The following RAPGEF1 variants were observed in gnomAD, a reference collection of about 807,000 sequenced individuals.
RAPGEF1 encodes Rap guanine nucleotide exchange factor 1.
In RAPGEF1, 33 loss-of-function variants were observed where a neutral mutation model predicts 143.3. The ratio of observed to expected loss-of-function variants is 0.23; its 90% confidence interval spans 0.17 to 0.31. RAPGEF1 has a LOEUF of 0.31. RAPGEF1 is among the 10% of genes least tolerant of loss of function. The probability of loss-of-function intolerance (pLI) is 1.00; values close to 1 mark genes in which losing one functional copy is unlikely to be tolerated. For synonymous variants in RAPGEF1, 629 were observed against 676.5 expected (o/e 0.93, Z 1.09); for missense variants, 1,199 against 1,645.4 (o/e 0.73, Z 4.69).
rs1335215493 is a variant in RAPGEF1, at chr9:131,578,852, G to A, written c.*645C>T. The stretch of plus-strand genomic sequence containing the variant: ...GGCGGGCAAGGGAGGCCCTGATGGC[G>A]CCAGTACCGCGGGGCAGAGCACCAG... On this transcript the variant is annotated 3_prime_UTR_variant, in exon 27 of 27. Transcript: ENST00000683357. 5 of 152,698 alleles carry A rather than the reference G, an allele frequency of 3.3e-5. No individual in the cohort carries two copies. The highest frequency in any genetic ancestry group is 9.6e-5 in the African/African-American group (4 of 41,460). The allele number at this position is 152,698 out of a possible 1,614,324, so 9.5% of individuals were successfully genotyped here.
chr9:131,588,130 C>G, intron 20 of RAPGEF1, 104 bp from the exon 21 acceptor site: 1 of 999,312 alleles, frequency 1.0e-6, no homozygotes, highest in Non-Finnish European at 1.5e-6. Context: ...GCCTCTCTGC[C>G]CAGCAGGAGC....
chr9:131,581,787 C>T (rs1588146820), intron 25 of RAPGEF1, among the ~76,000 whole-genome samples: 1 of 152,182 alleles, frequency 6.6e-6, no homozygotes, highest in Admixed American at 6.5e-5. Context: ...ATGAGAAAGA[C>T]AGGGGCAGTT....
chr9:131,580,174 C>G (rs1215966823), intron 26 of RAPGEF1, 89 bp downstream of exon 26: 1 of 1,526,934 alleles, frequency 6.5e-7, no homozygotes, highest in African/African-American at 1.4e-5. Context: ...CTCTGTGGCT[C>G]CCCCTCCCCT....
intron 22 of RAPGEF1, among the ~76,000 whole-genome samples, chr9:131,586,569 A>C (rs868451167): frequency 9.6e-4 from 25 of 26,152 alleles, no homozygotes; most frequent in East Asian, 2.2e-3. Flanking sequence ...CTCCGTCTCA[A>C]ACACACACAC....
intron 1 of RAPGEF1, among the ~76,000 whole-genome samples, chr9:131,728,955 T>A (rs960801758): frequency 2.0e-5 from 3 of 152,044 alleles, no homozygotes; most frequent in African/African-American, 7.3e-5. Context: ...AAACTGAGAG[T>A]TAGACAAGAC....
At chr9:131,624,851 G>A (rs1962456038) in intron 10 of RAPGEF1, among the ~76,000 whole-genome samples, 1 of 152,222 alleles carries the variant, frequency 6.6e-6, no homozygotes, top group Non-Finnish European at 1.5e-5. Flanking sequence ...CTCTAGCTGG[G>A]GGACCACACT....
chr9:131,591,449 G>A (rs1420055129), intron 18 of RAPGEF1, among the ~76,000 whole-genome samples: 2 of 152,190 alleles, frequency 1.3e-5, no homozygotes, highest in Non-Finnish European at 2.9e-5. Flanking sequence ...CTTAGGATGG[G>A]CAGGTTTGGA....
rs1970681322 is a variant in RAPGEF1, at chr9:131,650,007, C to G, written c.315+122G>C. On this transcript the variant is annotated intron_variant, in intron 3 of 26. Coordinates refer to ENST00000683357, the MANE Select transcript of RAPGEF1 (RefSeq NM_001377935.1). The surrounding 1 kb of genome is among the most constrained non-coding windows in gnomAD (Gnocchi z 4.7). ...ACTCTTTCCTGAACAATTCAGCCCA[C>G]GGTCACCACCCAGTTGAACATAATA... 2 of 747,946 alleles carry G rather than the reference C, an allele frequency of 2.7e-6. No individual in the cohort carries two copies. The highest frequency in any genetic ancestry group is 1.8e-5 in the African/African-American group (1 of 56,068). The allele number at this position is 747,946 out of a possible 1,614,324, so 46.3% of individuals were successfully genotyped here.
intron 13 of RAPGEF1, among the ~76,000 whole-genome samples, 178 bp from the exon 14 acceptor site, chr9:131,604,231 T>C (rs1463367403): frequency 6.6e-6 from 1 of 152,126 alleles, no homozygotes; most frequent in African/African-American, 2.4e-5. Context: ...CTGCTGCCCC[T>C]CCAATGGTGT....
chr9:131,628,136 A>G lies in RAPGEF1; in HGVS notation c.1018-40T>C. ...GAAAAACAAAGCCAAATCACTTCTG[A>G]GAAACGGTGGCACAGACCAGGGGTG... On this transcript the variant is annotated intron_variant, in intron 8 of 26. Coordinates refer to ENST00000683357, the MANE Select transcript of RAPGEF1 (RefSeq NM_001377935.1). This position sits in a 1 kb window ranked among gnomAD's most constrained non-coding sequence, Gnocchi z 5.7. 1.4e-6 allele frequency: 2 copies of G among 1,479,944 alleles called. 1 individual carries two copies. The highest frequency in any genetic ancestry group is 1.8e-6 in the Non-Finnish European group (2 of 1,110,816). 91.7% of individuals were successfully genotyped at this position (1,479,944 alleles called of 1,614,324 possible).
In RAPGEF1 at chr9:131,641,499, C is replaced by T. The variant is rs940364072; in HGVS notation, c.494+1740G>A. On this transcript the variant is annotated intron_variant, in intron 4 of 26. Transcript: ENST00000683357. The surrounding 1 kb of genome is among the most constrained non-coding windows in gnomAD (Gnocchi z 4.6). ...CAGATCAACTCCAACACCCCTGTAACTCTCCCTTCTTCAAACTCCAACACA... is the reference window on the plus strand; with the variant it reads ...CAGATCAACTCCAACACCCCTGTAATTCTCCCTTCTTCAAACTCCAACACA... Among the ~76,000 whole-genome samples the T allele has an allele frequency of 3.3e-5, 5 of 152,204 alleles. No homozygotes were observed. The highest frequency in any genetic ancestry group is 5.9e-5 in the Non-Finnish European group (4 of 68,040).
chr9:131,661,199 C>CCG (rs1564646692), intron 1 of RAPGEF1, among the ~76,000 whole-genome samples: 3 of 152,212 alleles, frequency 2.0e-5, no homozygotes, highest in Admixed American at 6.5e-5. Context: ...CAGAATATCA[C>CCG]AGCAGTGCTC....
intron 17 of RAPGEF1, among the ~76,000 whole-genome samples, chr9:131,592,608 G>A (rs1036518607): frequency 3.9e-5 from 6 of 152,146 alleles, no homozygotes; most frequent in African/African-American, 1.2e-4. Context: ...CCCTGGATTA[G>A]ACTCTGAGAG....
Position 131,641,406 on chromosome 9 carries a change from C to CA in RAPGEF1, c.494+1832dup, listed in dbSNP as rs1967938071. 6.6e-6 allele frequency among the ~76,000 whole-genome samples: 1 copy of CA among 152,184 alleles called. No homozygotes were observed. Among genetic ancestry groups the CA allele is most frequent in the Non-Finnish European group, 1.5e-5 (1 of 68,032 alleles). The stretch of plus-strand genomic sequence containing the variant: ...TCCTTTGCTCTTGTTCTCCTGCCCC[C>CA]ACTGCCAATCCAACTGCTGCTTTCC... On this transcript the variant is annotated intron_variant, in intron 4 of 26. Coordinates refer to ENST00000683357, the MANE Select transcript of RAPGEF1 (RefSeq NM_001377935.1). This position sits in a 1 kb window ranked among gnomAD's most constrained non-coding sequence, Gnocchi z 4.6.
intron 1 of RAPGEF1, among the ~76,000 whole-genome samples, chr9:131,677,546 C>A (rs2130889059): frequency 6.6e-6 from 1 of 152,262 alleles, no homozygotes; most frequent in Non-Finnish European, 1.5e-5. Flanking sequence ...ATAACAAACA[C>A]CAAGTGACAT....
rs564749052 is a variant in RAPGEF1, at chr9:131,719,102, G to A, written c.61+20668C>T. ...TCCCACCTCAGCCACCAGAGTAGCTGGAACTACAGGCACATGCCACGGTGC... is the reference window on the plus strand; with the variant it reads ...TCCCACCTCAGCCACCAGAGTAGCTAGAACTACAGGCACATGCCACGGTGC... On this transcript the variant is annotated intron_variant, in intron 1 of 26. Transcript: ENST00000683357. Among the ~76,000 whole-genome samples the A allele has an allele frequency of 1.4e-4, 21 of 152,272 alleles. No individual in the cohort carries two copies. In the South Asian group the frequency reaches 4.1e-3, roughly 30 times the overall value.
chr9:131,622,029 G>A (rs1207769293), intron 10 of RAPGEF1, 31 bp from the exon 11 acceptor site: 1 of 1,586,414 alleles, frequency 6.3e-7, no homozygotes, highest in Admixed American at 1.8e-5. Flanking sequence ...CTGCAGCGAG[G>A]CCGGGGGAGG....
chr9:131,590,253 A>G (rs1303643581), intron 18 of RAPGEF1, among the ~76,000 whole-genome samples: 3 of 152,044 alleles, frequency 2.0e-5, no homozygotes, highest in East Asian at 3.9e-4. Context: ...CCGCCTTTCC[A>G]TCGGGTTCAC....
Position 131,616,209 on chromosome 9 carries a change from G to A in RAPGEF1, c.2061+2842C>T, listed in dbSNP as rs572586697. ...TTGAACCTGGGAGGCGGAGGTTGCAGTGAGCCGAGATCGTGCCACTGAACT... is the reference window on the plus strand; with the variant it reads ...TTGAACCTGGGAGGCGGAGGTTGCAATGAGCCGAGATCGTGCCACTGAACT... On this transcript the variant is annotated intron_variant, in intron 12 of 26. Transcript: ENST00000683357. Among the ~76,000 whole-genome samples the A allele has an allele frequency of 1.5e-4, 23 of 152,288 alleles. 1 individual carries two copies. The South Asian group carries it at 3.9e-3, about 26-fold the overall frequency.
Sources: gnomAD v4.1 joint callset for allele counts (sites outside exome capture counted in the v4.1 genomes callset) on GRCh38, gnomAD v4.1.1 for gene constraint, Gnocchi (gnomAD v3.1) non-coding constraint, MANE v1.5 for transcripts, NCBI Gene and HGNC (gene_info 2026-07-23, HGNC 2026-07-21) for gene names.